The following GALNT13 variants were observed in gnomAD, a reference collection of about 807,000 sequenced individuals.
The protein encoded by GALNT13 is UDP-GalNAc:polypeptide N-acetylgalactosaminyltransferase 13.
In GALNT13, 28 loss-of-function variants were observed where a neutral mutation model predicts 64.2. That is an observed-to-expected ratio of 0.44 (90% CI 0.32 to 0.60). GALNT13 has a LOEUF of 0.60. Among genes scored for constraint, GALNT13 ranks in the 20% least tolerant of loss-of-function variants. The pLI, the probability that GALNT13 is intolerant of heterozygous loss-of-function variation, is 0.05. For synonymous variants in GALNT13, 214 were observed against 224.6 expected (o/e 0.95, Z 0.42); for missense variants, 577 against 669.8 (o/e 0.86, Z 1.53).
the GALNT13 span, among the ~76,000 whole-genome samples, chr2:153,400,480 G>T: frequency 6.6e-6 from 1 of 152,148 alleles, no homozygotes; most frequent in Non-Finnish European, 1.5e-5. Context: ...CTGTTGATTG[G>T]AAGAGTTTCA....
chr2:154,370,418 A>T (rs1697618259), intron 9 of GALNT13, among the ~76,000 whole-genome samples: 2 of 152,184 alleles, frequency 1.3e-5, no homozygotes, highest in African/African-American at 4.8e-5. Context: ...AGACTACTTC[A>T]CAGTCAAAAA....
At chr2:154,432,286 T>C (rs909074490) in intron 11 of GALNT13, among the ~76,000 whole-genome samples, 9 of 152,100 alleles carry the variant, frequency 5.9e-5, no homozygotes, top group African/African-American at 2.2e-4. Context: ...TCAGCCCAGA[T>C]ACCAAGATAC....
chr2:154,126,648 A>AC lies in GALNT13; in HGVS notation c.143-13689_143-13688insC, dbSNP rs1029234913. Among the ~76,000 whole-genome samples, 5 of 151,928 alleles carry AC rather than the reference A, an allele frequency of 3.3e-5. No homozygotes were observed. The East Asian group carries it at 5.8e-4, about 18-fold the overall frequency. On this transcript the variant is annotated intron_variant, in intron 3 of 12. Transcript: ENST00000392825. ...AGACTCCGTCTCAAAAAAACAAAAAAAAAAAACAAAAAAAAGAAAGAAAAG... is the reference window on the plus strand; with the variant it reads ...AGACTCCGTCTCAAAAAAACAAAAAACAAAAAACAAAAAAAAGAAAGAAAAG...
At chr2:153,199,268 T>C in the GALNT13 span, among the ~76,000 whole-genome samples, 1 of 152,218 alleles carries the variant, frequency 6.6e-6, no homozygotes, top group African/African-American at 2.4e-5. Context: ...GGTGACTAAC[T>C]CGTGTCAGAG....
At chr2:153,978,221 C>A (rs1477268218) in intron 3 of GALNT13, among the ~76,000 whole-genome samples, 1 of 152,278 alleles carries the variant, frequency 6.6e-6, no homozygotes, top group Non-Finnish European at 1.5e-5. Context: ...GGGTCAGAAA[C>A]TTTCTTTCTA....
At chr2:153,647,417 T>C in the GALNT13 span, among the ~76,000 whole-genome samples, 144 of 152,170 alleles carry the variant, frequency 9.5e-4, 1 homozygote, top group Middle Eastern at 0.024. Flanking sequence ...CTGTAGGTTG[T>C]CTGTTCACTC....
At chr2:153,350,256 T>G in the GALNT13 span, among the ~76,000 whole-genome samples, 1 of 152,228 alleles carries the variant, frequency 6.6e-6, no homozygotes, top group Non-Finnish European at 1.5e-5. Flanking sequence ...TTGGAAGCTT[T>G]CTTTCTTGTA....
intron 1 of GALNT13, among the ~76,000 whole-genome samples, chr2:153,898,856 CAAA>C (rs35168611): frequency 2.6e-4 from 26 of 99,342 alleles, no homozygotes; most frequent in Admixed American, 3.2e-4. Context: ...AGTTGCACAG[CAAA>C]AAAAAAAAAA....
intron 8 of GALNT13, among the ~76,000 whole-genome samples, chr2:154,285,745 C>A (rs565541839): frequency 6.6e-6 from 1 of 152,020 alleles, no homozygotes; most frequent in South Asian, 2.1e-4. Context: ...TTTTATATTT[C>A]TGTGAAAATA....
At chr2:153,301,323 A>AAAAAAAAAAAAAGAAG in the GALNT13 span, among the ~76,000 whole-genome samples, 14 of 149,848 alleles carry the variant, frequency 9.3e-5, no homozygotes, top group African/African-American at 3.5e-4. Context: ...AAAAAAGAAA[A>AAAAAAAAAAAAAGAAG]AAAAAAAGAG....
chr2:153,739,134 A>T, the GALNT13 span, among the ~76,000 whole-genome samples: 40 of 151,916 alleles, frequency 2.6e-4, no homozygotes, highest in Non-Finnish European at 5.0e-4. Flanking sequence ...TGTGTTTATA[A>T]CTTTTAAATC....
At chr2:153,840,783 A>T in the GALNT13 span, among the ~76,000 whole-genome samples, 2 of 152,160 alleles carry the variant, frequency 1.3e-5, no homozygotes, top group Non-Finnish European at 2.9e-5. Context: ...ATATACCCTA[A>T]CTTGCCTCTT....
chr2:153,089,031 C>A, the GALNT13 span, among the ~76,000 whole-genome samples: 1 of 151,986 alleles, frequency 6.6e-6, no homozygotes, highest in Non-Finnish European at 1.5e-5. Context: ...GCCTTAATAC[C>A]TTGGGTTTTT....
chr2:153,147,227 T>G, the GALNT13 span, among the ~76,000 whole-genome samples: 1 of 151,998 alleles, frequency 6.6e-6, no homozygotes, highest in Non-Finnish European at 1.5e-5. Flanking sequence ...GTTCACGCTC[T>G]GATCCTGCTG....
the GALNT13 span, among the ~76,000 whole-genome samples, chr2:153,754,548 G>A: frequency 6.6e-6 from 1 of 152,062 alleles, no homozygotes; most frequent in Non-Finnish European, 1.5e-5. Context: ...TGGCTGAGTT[G>A]GTATCCAAAG....
At chr2:153,719,866 C>T in the GALNT13 span, among the ~76,000 whole-genome samples, 48 of 151,970 alleles carry the variant, frequency 3.2e-4, no homozygotes, top group East Asian at 5.9e-4. Flanking sequence ...AACTGCAAGG[C>T]GGCAGCGAGG....
At chr2:154,177,747 A>ATGTACATACATATATGTGTG (rs1685731726) in intron 4 of GALNT13, among the ~76,000 whole-genome samples, 1 of 152,172 alleles carries the variant, frequency 6.6e-6, no homozygotes. Flanking sequence ...TTTAATATAT[A>ATGTACATACATATATGTGTG]TGTACATACA....
At chr2:153,315,513 A>G in the GALNT13 span, among the ~76,000 whole-genome samples, 2 of 152,386 alleles carry the variant, frequency 1.3e-5, no homozygotes, top group Admixed American at 1.3e-4. Flanking sequence ...ATAAGAATGA[A>G]CCAAACAACA....
the GALNT13 span, among the ~76,000 whole-genome samples, chr2:153,599,480 A>G: frequency 5.9e-5 from 9 of 152,032 alleles, no homozygotes; most frequent in Non-Finnish European, 1.2e-4. Flanking sequence ...ATGAGGGAGA[A>G]CAATCACTTT....
Sources: gnomAD v4.1 joint callset for allele counts (sites outside exome capture counted in the v4.1 genomes callset) on GRCh38, gnomAD v4.1.1 for gene constraint, MANE v1.5 for transcripts, NCBI Gene and HGNC (gene_info 2026-07-23, HGNC 2026-07-21) for gene names.